The following CDH12 variants were observed in gnomAD, a reference collection of about 807,000 sequenced individuals.
CDH12 encodes the protein cadherin-12.
In CDH12, 41 loss-of-function variants were observed where a neutral mutation model predicts 74.1. The ratio of observed to expected loss-of-function variants is 0.55; its 90% confidence interval spans 0.43 to 0.72. The LOEUF is 0.72. Ranked by LOEUF, CDH12 falls within the 30% of genes least tolerant of loss-of-function variation. CDH12 has a pLI of 0.00. For synonymous variants in CDH12, 399 were observed against 355.0 expected, an observed-to-expected ratio of 1.12 and a Z score of -1.39; for missense variants, 945 against 977.2, an observed-to-expected ratio of 0.97 and a Z score of 0.44.
Position 21,759,969 on chromosome 5 carries a change from A to G in CDH12, c.1633+589T>C, listed in dbSNP as rs181264798. Among the ~76,000 whole-genome samples the G allele has an allele frequency of 1.8e-3, 279 of 152,210 alleles. 4 individuals carry two copies. The highest frequency in any genetic ancestry group is 2.5e-3 in the Non-Finnish European group (170 of 67,966). On this transcript the variant is annotated intron_variant, in intron 13 of 14. Coordinates refer to ENST00000382254, the MANE Select transcript of CDH12 (RefSeq NM_004061.5). ...TTCTGTTCCTGTGTTAGTTTGCTAAAGATAATAGCCTCCAGCTCCATCCAT... is the reference window on the plus strand; with the variant it reads ...TTCTGTTCCTGTGTTAGTTTGCTAAGGATAATAGCCTCCAGCTCCATCCAT...
chr5:22,147,682 A>G (rs1561161279), intron 4 of CDH12, among the ~76,000 whole-genome samples: 1 of 151,978 alleles, frequency 6.6e-6, no homozygotes, highest in South Asian at 2.1e-4. Flanking sequence ...CACATCTTAC[A>G]TGGTGGCAGG....
chr5:22,309,266 T>C (rs1738277507), intron 3 of CDH12, among the ~76,000 whole-genome samples: 1 of 152,180 alleles, frequency 6.6e-6, no homozygotes, highest in African/African-American at 2.4e-5. Flanking sequence ...CAGAAGAATA[T>C]GTATGTTTCT....
intron 3 of CDH12, among the ~76,000 whole-genome samples, chr5:22,214,928 C>T (rs1751744406): frequency 6.6e-6 from 1 of 152,130 alleles, no homozygotes; most frequent in Non-Finnish European, 1.5e-5. Flanking sequence ...TGTTGGAACA[C>T]TAATTGATTT....
At chr5:22,060,958 C>T (rs1580187077) in intron 5 of CDH12, among the ~76,000 whole-genome samples, 1 of 152,128 alleles carries the variant, frequency 6.6e-6, no homozygotes, top group Non-Finnish European at 1.5e-5. Context: ...GCAATGGGAA[C>T]TGAGTCCATT....
intron 3 of CDH12, among the ~76,000 whole-genome samples, chr5:22,352,788 T>A (rs1052059636): frequency 6.6e-6 from 1 of 152,194 alleles, no homozygotes; most frequent in Non-Finnish European, 1.5e-5. Context: ...GACATTATAC[T>A]GGAACTGGCA....
chr5:22,686,918 T>A (rs541579198), intron 1 of CDH12, among the ~76,000 whole-genome samples: 220 of 152,316 alleles, frequency 1.4e-3, no homozygotes, highest in Non-Finnish European at 2.6e-3. Context: ...TCTTTTTCCT[T>A]ATCCCTCTGC....
At chr5:21,985,417 A>T (rs1467793709) in intron 5 of CDH12, among the ~76,000 whole-genome samples, 9 of 152,240 alleles carry the variant, frequency 5.9e-5, no homozygotes, top group Non-Finnish European at 1.0e-4. Context: ...GATGTAAGGG[A>T]TATGTTTCTT....
intron 3 of CDH12, among the ~76,000 whole-genome samples, chr5:22,353,729 A>T (rs1387281344): frequency 2.0e-5 from 3 of 152,090 alleles, no homozygotes; most frequent in African/African-American, 7.2e-5. Context: ...TTATTTCTGT[A>T]TTTGGTCTTT....
chr5:22,664,467 G>A (rs1189474596), intron 1 of CDH12, among the ~76,000 whole-genome samples: 2 of 152,112 alleles, frequency 1.3e-5, no homozygotes, highest in South Asian at 2.1e-4. Context: ...TCACTGTCAC[G>A]AGAAGAGCAT....
chr5:22,049,372 C>A (rs1377841201), intron 5 of CDH12, among the ~76,000 whole-genome samples: 2 of 152,000 alleles, frequency 1.3e-5, no homozygotes, highest in Non-Finnish European at 2.9e-5. Flanking sequence ...TTTTTCCTTG[C>A]CCAGGTTTAG....
At chr5:22,280,772 A>G (rs905519823) in intron 3 of CDH12, among the ~76,000 whole-genome samples, 3 of 152,340 alleles carry the variant, frequency 2.0e-5, no homozygotes, top group Admixed American at 6.5e-5. Flanking sequence ...AGATGGATTC[A>G]CAGCTGAATT....
At chr5:22,813,851 CA>C (rs1309659332) in intron 1 of CDH12, among the ~76,000 whole-genome samples, 10 of 152,078 alleles carry the variant, frequency 6.6e-5, no homozygotes, top group African/African-American at 2.4e-4. Context: ...AAGCTCTCAC[CA>C]ATATCTTGAT....
At chr5:22,627,325 T>C (rs1738351682) in intron 1 of CDH12, among the ~76,000 whole-genome samples, 1 of 151,576 alleles carries the variant, frequency 6.6e-6, no homozygotes, top group African/African-American at 2.4e-5. Flanking sequence ...AAAAATATAT[T>C]AAAAACAGCC....
At chr5:22,660,747 C>T (rs1022367161) in intron 1 of CDH12, among the ~76,000 whole-genome samples, 2 of 152,106 alleles carry the variant, frequency 1.3e-5, no homozygotes, top group Admixed American at 6.6e-5. Flanking sequence ...AATTTTGAAA[C>T]ATATTTTGTG....
chr5:21,901,367 C>T (rs1753377416), intron 6 of CDH12, among the ~76,000 whole-genome samples: 1 of 152,120 alleles, frequency 6.6e-6, no homozygotes, highest in Non-Finnish European at 1.5e-5. Context: ...GGCATAGGTC[C>T]ATGTTACACA....
intron 5 of CDH12, among the ~76,000 whole-genome samples, chr5:22,022,622 GTAA>G (rs1319638463): frequency 1.3e-5 from 2 of 152,104 alleles, no homozygotes; most frequent in African/African-American, 4.8e-5. Flanking sequence ...ACATTTTGAA[GTAA>G]TAATATCACA....
intron 4 of CDH12, among the ~76,000 whole-genome samples, chr5:22,128,444 G>A: frequency 6.6e-6 from 1 of 151,330 alleles, no homozygotes; most frequent in Admixed American, 6.6e-5. Context: ...CCTGCTCATA[G>A]GATATAAACT....
At position 21,751,609 on chromosome 5, in the gene CDH12, A is replaced by AAAGT. The variant is rs1554025828; in HGVS notation, c.*127_*128insACTT. The AAAGT allele has an allele frequency of 9.0e-6, 5 of 555,664 alleles. No homozygotes were observed. Among genetic ancestry groups the AAAGT allele is most frequent in the East Asian group, 3.0e-5 (1 of 33,516 alleles). The allele number at this position is 555,664 out of a possible 1,614,324, so 34.4% of individuals were successfully genotyped here. On this transcript the variant is annotated 3_prime_UTR_variant, in exon 15 of 15. Coordinates refer to ENST00000382254, the MANE Select transcript of CDH12 (RefSeq NM_004061.5). ...GGTAATCAAAGGAATCTTGTCCCAG[A>AAAGT]GTGTGTGTGTGTGTGTGTGTGTTTG...
chr5:21,939,181 A>G (rs1368342210), intron 6 of CDH12, among the ~76,000 whole-genome samples: 3 of 151,622 alleles, frequency 2.0e-5, no homozygotes, highest in African/African-American at 7.3e-5. Context: ...TAAAAGTTGT[A>G]CTAAATTTTA....
Sources: allele counts gnomAD v4.1 joint callset (sites outside exome capture counted in the v4.1 genomes callset), GRCh38; gene constraint gnomAD v4.1.1; transcripts MANE v1.5; gene names NCBI Gene and HGNC (gene_info 2026-07-23, HGNC 2026-07-21).